STARD13: variants seen among roughly 807,000 people sequenced by gnomAD.
STARD13 encodes stAR-related lipid transfer protein 13.
In STARD13, 62 loss-of-function variants were observed where a neutral mutation model predicts 106.4. The observed-to-expected ratio is 0.58, with a 90% CI of 0.48 to 0.72. The LOEUF is 0.72. Among genes scored for constraint, STARD13 ranks in the 30% least tolerant of loss-of-function variants. The pLI, the probability that STARD13 is intolerant of heterozygous loss-of-function variation, is 0.00. For missense variants in STARD13, 1,387 were observed against 1,424.0 expected (o/e 0.97, Z 0.42); for synonymous variants, 565 against 553.0 (o/e 1.02, Z -0.31).
At chr13:33,456,555 C>T in the STARD13 span, among the ~76,000 whole-genome samples, 2 of 152,144 alleles carry the variant, frequency 1.3e-5, no homozygotes, top group Non-Finnish European at 2.9e-5. Flanking sequence ...TTGTTTTCTC[C>T]TCAGGCCTCT....
At chr13:33,543,698 AT>A in the STARD13 span, among the ~76,000 whole-genome samples, 1 of 152,168 alleles carries the variant, frequency 6.6e-6, no homozygotes, top group Non-Finnish European at 1.5e-5. Context: ...GTTAAAACAG[AT>A]TGCTGGGCCT....
At chr13:33,318,805 T>C (rs1893440278) in intron 1 of STARD13, among the ~76,000 whole-genome samples, 2 of 152,152 alleles carry the variant, frequency 1.3e-5, no homozygotes, top group African/African-American at 4.8e-5. Context: ...CATGAAAAGA[T>C]GCTCAATATC....
chr13:33,519,955 T>C, the STARD13 span: 1 of 152,200 alleles, frequency 6.6e-6, no homozygotes, highest in East Asian at 1.9e-4. Context: ...GCAAAATGTA[T>C]ACCTTGCTTT....
the STARD13 span, among the ~76,000 whole-genome samples, chr13:33,360,486 G>A: frequency 6.6e-6 from 1 of 151,770 alleles, no homozygotes; most frequent in East Asian, 2.0e-4. Flanking sequence ...TTACAGGCGT[G>A]AGCCACTGCT....
the STARD13 span, among the ~76,000 whole-genome samples, chr13:33,581,056 G>A: frequency 6.6e-6 from 1 of 152,072 alleles, no homozygotes; most frequent in South Asian, 2.1e-4. Flanking sequence ...TATTAAATAT[G>A]TCCTAACCAC....
At chr13:33,637,448 C>A in the STARD13 span, among the ~76,000 whole-genome samples, 3 of 152,170 alleles carry the variant, frequency 2.0e-5, no homozygotes, top group Non-Finnish European at 4.4e-5. Context: ...CAAAACTTGT[C>A]GTGAGAAGGA....
chr13:33,205,876 T>G (rs577677825), intron 1 of STARD13: 6 of 985,320 alleles, frequency 6.1e-6, no homozygotes, highest in Non-Finnish European at 7.2e-6. Context: ...CCCTCTCTTC[T>G]TCAATTCATT....
At chr13:33,666,406 G>A in the STARD13 span, among the ~76,000 whole-genome samples, 1 of 152,116 alleles carries the variant, frequency 6.6e-6, no homozygotes, top group African/African-American at 2.4e-5. Context: ...CCGTTCTCCT[G>A]CCTCAGCCTC....
intron 1 of STARD13, among the ~76,000 whole-genome samples, chr13:33,248,619 T>C (rs73465072): frequency 0.016 from 2,360 of 152,248 alleles, 55 homozygotes; most frequent in African/African-American, 0.051. Context: ...CTCTTCCCTG[T>C]TTTTTGTCTT....
At chr13:33,502,792 T>C in the STARD13 span, among the ~76,000 whole-genome samples, 2 of 152,236 alleles carry the variant, frequency 1.3e-5, no homozygotes, top group Admixed American at 6.5e-5. Flanking sequence ...TTGCCAGTAT[T>C]TTATTGAGGA....
At chr13:33,616,563 G>A in the STARD13 span, among the ~76,000 whole-genome samples, 2 of 152,180 alleles carry the variant, frequency 1.3e-5, no homozygotes, top group Non-Finnish European at 2.9e-5. Context: ...AGCCATGGTG[G>A]GGACAAGGCA....
chr13:33,229,419 G>A (rs1013097954), intron 1 of STARD13, among the ~76,000 whole-genome samples: 7 of 152,204 alleles, frequency 4.6e-5, no homozygotes, highest in African/African-American at 1.4e-4. Context: ...CAGGACAACC[G>A]CAAGACTGCG....
rs1221254069 is a variant in STARD13, at chr13:33,167,526, A to AGAGCG, written c.241+20_241+24dup. On this transcript the variant is annotated intron_variant, in intron 2 of 13. Transcript: ENST00000336934. ...TCATTTTGGATTTATTCTCTGTGTA[A>AGAGCG]GAGCGAAGCGAAGGGCTGACGTACC... 1.1e-5 allele frequency: 17 copies of AGAGCG among 1,612,396 alleles called. No individual in the cohort carries two copies. The African/African-American group carries it at 2.3e-4, about 22-fold the overall frequency.
chr13:33,576,402 T>C, the STARD13 span, among the ~76,000 whole-genome samples: 1 of 111,066 alleles, frequency 9.0e-6, no homozygotes, highest in Non-Finnish European at 1.8e-5. Context: ...GTAATTTTTC[T>C]TTTTTTTTTT....
At chr13:33,343,965 T>G (rs1465888680), downstream of STARD13, among the ~76,000 whole-genome samples, 1 of 152,164 alleles carries the variant, frequency 6.6e-6, no homozygotes, top group Non-Finnish European at 1.5e-5. Flanking sequence ...GTCCCTGTGA[T>G]AGGACAAGTT....
At chr13:33,247,768 G>T (rs984261325) in intron 1 of STARD13, among the ~76,000 whole-genome samples, 1 of 152,104 alleles carries the variant, frequency 6.6e-6, no homozygotes, top group Non-Finnish European at 1.5e-5. Flanking sequence ...CGCCCAAAAC[G>T]CACAATTCTC....
the STARD13 span, among the ~76,000 whole-genome samples, chr13:33,590,422 C>A: frequency 9.2e-5 from 14 of 151,986 alleles, no homozygotes; most frequent in East Asian, 2.7e-3. Flanking sequence ...CGGCACTAGT[C>A]ACAATAGCAA....
chr13:33,593,070 G>A, the STARD13 span, among the ~76,000 whole-genome samples: 1 of 152,216 alleles, frequency 6.6e-6, no homozygotes, highest in Admixed American at 6.5e-5. Flanking sequence ...ATATGCCAGG[G>A]CTGAGGATCT....
rs941415025 is a variant in STARD13, at chr13:33,343,135, A to G, written c.124+7155T>C. On this transcript the variant is annotated intron_variant, in intron 1 of 5. Coordinates refer to the STARD13 transcript ENST00000567873. ...TCCAAAGCTAATGGAGCCAACAGAG[A>G]ACCTTTGAGTCCTTTTTCTCTCCCA... is the stretch of plus-strand genomic sequence containing the variant. Among the ~76,000 whole-genome samples, 31 of 152,176 alleles carry G rather than the reference A, an allele frequency of 2.0e-4. 1 individual carries two copies. The highest frequency in any genetic ancestry group is 1.6e-3 in the Admixed American group (25 of 15,272).
Sources: gnomAD v4.1 joint callset for allele counts (sites outside exome capture counted in the v4.1 genomes callset) on GRCh38, gnomAD v4.1.1 for gene constraint, MANE v1.5 for transcripts, NCBI Gene and HGNC (gene_info 2026-07-23, HGNC 2026-07-21) for gene names.